The following KCNH4 variants were observed in gnomAD, a reference collection of about 807,000 sequenced individuals.
The protein encoded by KCNH4 is potassium voltage-gated channel subfamily H member 4.
Under a neutral mutation model 90.7 loss-of-function variants are expected in KCNH4, and 33 were observed. The observed-to-expected ratio is 0.36, with a 90% confidence interval of 0.28 to 0.49. The LOEUF (loss-of-function observed/expected upper bound fraction) is 0.49, where lower values mean the gene tolerates loss of function less well. KCNH4 is among the 20% of genes least tolerant of loss of function. The probability of loss-of-function intolerance (pLI) is 0.98; values close to 1 mark genes in which losing one functional copy is unlikely to be tolerated. For synonymous variants in KCNH4, 551 were observed against 581.7 expected, an observed-to-expected ratio of 0.95 and a Z score of 0.76; for missense variants, 1,044 against 1,387.1, an observed-to-expected ratio of 0.75 and a Z score of 3.93.
At chr17:42,178,016 A>G in intron 4 of KCNH4, 84 bp downstream of exon 4, 1 of 1,539,730 alleles carries the variant, frequency 6.5e-7, no homozygotes, top group Non-Finnish European at 8.8e-7. Context: ...CCAGACAGAC[A>G]GGGAAGTGGG....
rs770922501 is a variant in KCNH4, at chr17:42,178,157, T to C, written c.528A>G (p.Leu176=). The C allele has an allele frequency of 2.5e-6, 4 of 1,614,176 alleles. No homozygotes were observed. The highest frequency in any genetic ancestry group is 3.4e-6 in the Non-Finnish European group (4 of 1,180,030). ...RSARRRSRTV[L]HRLTGHFGRR... Reference sequence around the variant, plus strand: ...GGCCAAAGTGGCCGGTCAGTCGGTGTAGGACAGTACGGCTCCGTCTTCTGG... The same window carrying C: ...GGCCAAAGTGGCCGGTCAGTCGGTGCAGGACAGTACGGCTCCGTCTTCTGG... The change falls in exon 4 of 17, where the codon CTA becomes CTG. Residue 176 remains leucine, a synonymous_variant. Transcript: ENST00000264661.
In KCNH4 at chr17:42,163,312, A is replaced by C; in HGVS notation, c.2500T>G (p.Ser834Ala). 2 of 1,613,874 alleles carry C rather than the reference A, an allele frequency of 1.2e-6. No individual in the cohort carries two copies. Among genetic ancestry groups the C allele is most frequent in the Non-Finnish European group, 1.7e-6 (2 of 1,179,832 alleles). ...GAAGGGGCCTCAGCTGTGCTGCCAGAGTCCTCAATGCCATCCACTATCCTG... is the reference window on the plus strand; with the variant it reads ...GAAGGGGCCTCAGCTGTGCTGCCAGCGTCCTCAATGCCATCCACTATCCTG... ...SPRIVDGIED[S>A]GSTAEAPSFR... The change falls in exon 14 of 17, where the codon TCT becomes GCT. Residue 834 changes from serine to alanine, a missense_variant. Ser to Ala is a moderately conservative substitution (Grantham distance 99). Around this residue, in one of 4 missense-constraint regions of KCNH4, gnomAD observed 441 missense variants for 512.3 expected, o/e 0.86. Coordinates refer to ENST00000264661, the MANE Select transcript of KCNH4 (RefSeq NM_012285.3). The surrounding 1 kb of genome is among the most constrained non-coding windows in gnomAD (Gnocchi z 5.4).
intron 5 of KCNH4, 50 bp downstream of exon 5, chr17:42,176,004 G>C (rs377376132): frequency 3.9e-6 from 6 of 1,554,762 alleles, no homozygotes; most frequent in Non-Finnish European, 5.2e-6. Flanking sequence ...GCTTGGCCAA[G>C]TGGATCCCCC....
intron 10 of KCNH4, among the ~76,000 whole-genome samples, chr17:42,166,051 T>A (rs1056527824): frequency 6.6e-6 from 1 of 151,580 alleles, no homozygotes; most frequent in Non-Finnish European, 1.5e-5. Flanking sequence ...TGGGAAAGGA[T>A]CAATTGAGCT....
At position 42,169,489 on chromosome 17, in the gene KCNH4, G is replaced by A. The variant is rs1303724921; in HGVS notation, c.1578C>T (p.Ile526=). 4 of 1,612,808 alleles carry A rather than the reference G, an allele frequency of 2.5e-6. No homozygotes were observed. The highest frequency in any genetic ancestry group is 2.2e-5 in the East Asian group (1 of 44,884). The change falls in exon 9 of 17, where the codon ATC becomes ATT. Residue 526 remains isoleucine (I), a synonymous_variant. Transcript: ENST00000264661. ...CCCTGCAGGCTACCTCGTTGGCGTC[G>A]ATGCCGCTGTTGACGGCCCACGTGG... is the stretch of plus-strand genomic sequence containing the variant. ...FQTTWAVNSG[I]DANELLRDFP... is the part of the protein sequence containing the mutation.
chr17:42,171,683 G>A, intron 7 of KCNH4, 105 bp downstream of exon 7: 1 of 1,002,576 alleles, frequency 1.0e-6, no homozygotes, highest in Non-Finnish European at 1.6e-6. Context: ...TTGTTGGATG[G>A]ATAGAGGAAT....
chr17:42,170,449 C>T (rs2079819828), intron 7 of KCNH4, 148 bp from the exon 8 acceptor site: 1 of 641,490 alleles, frequency 1.6e-6, no homozygotes, highest in Non-Finnish European at 2.6e-6. Flanking sequence ...TGTGTCTCCC[C>T]ATGGTGCATT....
rs2079819387 is a variant in KCNH4 at position 42,170,396 on chromosome 17, T to C, written c.1196-95A>G. ...CTACGCTTGACCTTCGGCAAGTATT[T>C]ATACACAGGTTGGCACAGGAAATGT... On this transcript the variant is annotated intron_variant, in intron 7 of 16. Coordinates refer to ENST00000264661, the MANE Select transcript of KCNH4 (RefSeq NM_012285.3). The C allele has an allele frequency of 4.1e-5, 43 of 1,051,326 alleles. No individual in the cohort carries two copies. The South Asian group carries it at 7.1e-4, about 17-fold the overall frequency. The allele number at this position is 1,051,326 out of a possible 1,614,324, so 65.1% of individuals were successfully genotyped here. A position where few individuals can be genotyped will look rare whatever the true frequency, so the allele number is the denominator to read the frequency against.
At chr17:42,159,543 T>C (rs745616613) in intron 16 of KCNH4, among the ~76,000 whole-genome samples, 188 bp downstream of exon 16, 1 of 152,062 alleles carries the variant, frequency 6.6e-6, no homozygotes, top group Non-Finnish European at 1.5e-5. Context: ...GTAACATTGC[T>C]CTTAAGGTCT....
At position 42,178,424 on chromosome 17, in the gene KCNH4, C is replaced by T. The variant is rs1313111380; in HGVS notation, c.364G>A (p.Glu122Lys). ...AAGGAAAAGAGGAACAGCACGACCTCCCCCATCTCATTCTTGATGGGCATC... is the reference window on the plus strand; with the variant it reads ...AAGGAAAAGAGGAACAGCACGACCTTCCCCATCTCATTCTTGATGGGCATC... ...DMMPIKNEMG[E>K]VVLFLFSFKD... is the part of the protein sequence containing the mutation. Residue 122 changes from glutamate to lysine, a missense_variant, in exon 3 of 17, where the codon GAG becomes AAG. By Grantham distance (56) the Glu-to-Lys change is moderately conservative (BLOSUM62 1). Around this residue, in one of 4 missense-constraint regions of KCNH4, gnomAD observed 283 missense variants for 378.6 expected, o/e 0.75. Coordinates refer to ENST00000264661, the MANE Select transcript of KCNH4 (RefSeq NM_012285.3). 1 of 1,614,084 alleles carries T rather than the reference C, an allele frequency of 6.2e-7. No individual in the cohort carries two copies. Among genetic ancestry groups the T allele is most frequent in the East Asian group, 2.2e-5 (1 of 44,896 alleles).
intron 6 of KCNH4, among the ~76,000 whole-genome samples, chr17:42,172,205 CT>C (rs889295948): frequency 0.062 from 8,830 of 142,060 alleles, 601 homozygotes; most frequent in African/African-American, 0.18. Flanking sequence ...TTTGTAATTA[CT>C]TTTTTTTTTT....
In KCNH4 at chr17:42,180,827, C is replaced by T; in HGVS notation, c.76+43G>A. The T allele has an allele frequency of 6.3e-7, 1 of 1,583,140 alleles. No individual in the cohort carries two copies. The highest frequency in any genetic ancestry group is 8.7e-7 in the Non-Finnish European group (1 of 1,152,362). ...TCCGAGACGGCCCCGAGGATACTTG[C>T]CCCCCAGCTCGAACCTCAAGCCCCG... On this transcript the variant is annotated intron_variant, in intron 1 of 16. Transcript: ENST00000264661. This position sits in a 1 kb window ranked among gnomAD's most constrained non-coding sequence, Gnocchi z 4.7.
At chr17:42,168,155 G>A (rs535613686) in intron 9 of KCNH4, among the ~76,000 whole-genome samples, 6 of 152,186 alleles carry the variant, frequency 3.9e-5, no homozygotes, top group Non-Finnish European at 5.9e-5. Context: ...CATTCAGCGC[G>A]GCACTCTCTG....
rs199545918 is a variant in KCNH4 at position 42,176,020 on chromosome 17, G to A, written c.829+34C>T. On this transcript the variant is annotated intron_variant, in intron 5 of 16. Coordinates refer to ENST00000264661, the MANE Select transcript of KCNH4 (RefSeq NM_012285.3). Reference sequence around the variant, plus strand: ...CTTGGCCAAGTGGATCCCCCCAGCCGACCCACCAGGGTGGGTGAGGCAGAA... The same window carrying A: ...CTTGGCCAAGTGGATCCCCCCAGCCAACCCACCAGGGTGGGTGAGGCAGAA... 4.4e-4 allele frequency: 682 copies of A among 1,563,834 alleles called. 3 individuals are homozygous for A. In the African/African-American group the frequency reaches 7.5e-3, roughly 17 times the overall value.
chr17:42,162,624 A>C (rs2079757009), intron 14 of KCNH4, among the ~76,000 whole-genome samples: 1 of 148,982 alleles, frequency 6.7e-6, no homozygotes, highest in African/African-American at 2.5e-5. Flanking sequence ...ATGGGGTCTC[A>C]CTCTGTTGCC....
In KCNH4 at chr17:42,160,288, A is replaced by G. The variant is rs774787808; in HGVS notation, c.2806T>C (p.Cys936Arg). The G allele has an allele frequency of 8.7e-6, 14 of 1,613,980 alleles. No homozygotes were observed. Among genetic ancestry groups the G allele is most frequent in the Admixed American group, 1.7e-5 (1 of 60,000 alleles). Reference sequence around the variant, plus strand: ...GGTCTGGACGCACAAGGAGAGAGGCATGGTGGCCTCAGCTGTGGACAAGGA... The same window carrying G: ...GGTCTGGACGCACAAGGAGAGAGGCGTGGTGGCCTCAGCTGTGGACAAGGA... ...DPPCPQLRPP[C>R]LSPCASRPPP... The change falls in exon 16 of 17, where the codon TGC becomes CGC. Residue 936 changes from cysteine to arginine, a missense_variant. By Grantham distance (180) the Cys-to-Arg change is radical (BLOSUM62 -3). Coordinates refer to ENST00000264661, the MANE Select transcript of KCNH4 (RefSeq NM_012285.3).
intron 6 of KCNH4, among the ~76,000 whole-genome samples, chr17:42,174,887 G>A (rs1022203018): frequency 6.6e-6 from 1 of 152,104 alleles, no homozygotes; most frequent in Admixed American, 6.5e-5. Context: ...CCAAATGCTT[G>A]CTGTCCTCAT....
chr17:42,162,354 G>A (rs771251339), intron 14 of KCNH4, 33 bp from the exon 15 acceptor site: 1 of 1,584,682 alleles, frequency 6.3e-7, no homozygotes, highest in Non-Finnish European at 8.7e-7. Flanking sequence ...TGAGTTCATG[G>A]AGCATTAATA....
chr17:42,178,058 G>A (rs1598278448), intron 4 of KCNH4, 42 bp downstream of exon 4: 1 of 1,594,260 alleles, frequency 6.3e-7, no homozygotes, highest in Non-Finnish European at 8.6e-7. Flanking sequence ...CAGAATCAAG[G>A]CTGGAGGACT....
Sources: allele counts gnomAD v4.1 joint callset (sites outside exome capture counted in the v4.1 genomes callset), GRCh38; gene constraint gnomAD v4.1.1; regional missense constraint gnomAD v4.1.1; non-coding constraint Gnocchi (gnomAD v3.1); transcripts MANE v1.5; gene names NCBI Gene and HGNC (gene_info 2026-07-23, HGNC 2026-07-21).